Variants in IL4 observed in about 807,000 individuals in gnomAD.
The protein encoded by IL4 is interleukin 4.
A neutral mutation model predicts 17.4 loss-of-function variants in IL4; 10 were observed. That is an observed-to-expected ratio of 0.57 (90% CI 0.35 to 0.97). The LOEUF (loss-of-function observed/expected upper bound fraction) is 0.97, where lower values mean the gene tolerates loss of function less well. IL4 is among the 50% of genes least tolerant of loss of function. The probability of loss-of-function intolerance (pLI) is 0.01; values close to 1 mark genes in which losing one functional copy is unlikely to be tolerated. For missense variants in IL4, 174 were observed against 187.7 expected (o/e 0.93, Z 0.43); for synonymous variants, 87 against 79.0 (o/e 1.10, Z -0.54).
At chr5:132,678,044 T>C (rs557394660) in intron 2 of IL4, among the ~76,000 whole-genome samples, 20 of 152,386 alleles carry the variant, frequency 1.3e-4, no homozygotes, top group Middle Eastern at 6.8e-3. Flanking sequence ...GGGAAGCTTC[T>C]GTAGCCTGGG....
intron 2 of IL4, among the ~76,000 whole-genome samples, chr5:132,678,802 T>C (rs1002242628): frequency 6.6e-6 from 1 of 152,192 alleles, no homozygotes; most frequent in Non-Finnish European, 1.5e-5. Context: ...TGCATCTTTG[T>C]TCTTCAGTGA....
rs201837621 is a variant in IL4, at chr5:132,679,860, C to T, written c.330C>T (p.Leu110=). ...HKQLIRFLKR[L]DRNLWGLAGL... is the part of the protein sequence containing the mutation. Reference sequence around the variant, plus strand: ...AGCTGATCCGATTCCTGAAACGGCTCGACAGGAACCTCTGGGGCCTGGCGG... The same window carrying T: ...AGCTGATCCGATTCCTGAAACGGCTTGACAGGAACCTCTGGGGCCTGGCGG... Residue 110 remains leucine, a synonymous_variant, in exon 3 of 4, where the codon CTC becomes CTT. Coordinates refer to ENST00000231449, the MANE Select transcript of IL4 (RefSeq NM_000589.4). 1.7e-5 allele frequency: 27 copies of T among 1,613,470 alleles called. No individual in the cohort carries two copies. The highest frequency in any genetic ancestry group is 1.6e-5 in the Non-Finnish European group (19 of 1,179,878).
intron 1 of IL4, 23 bp from the exon 2 acceptor site, chr5:132,674,436 C>G (rs777645902): frequency 1.9e-6 from 3 of 1,612,972 alleles, no homozygotes; most frequent in Non-Finnish European, 2.5e-6. Flanking sequence ...GTCTCTTGCT[C>G]TCTCATTTCT....
chr5:132,674,230 C>T, intron 1 of IL4, 45 bp downstream of exon 1: 1 of 1,598,718 alleles, frequency 6.3e-7, no homozygotes, highest in Non-Finnish European at 8.6e-7. Flanking sequence ...TCTGGTGATG[C>T]TCTCAGTATT....
In IL4 at chr5:132,674,313, C is replaced by A. The variant is rs549861948; in HGVS notation, c.135+128C>A. 23 of 1,340,642 alleles carry A rather than the reference C, an allele frequency of 1.7e-5. No homozygotes were observed. In the Admixed American group the frequency reaches 2.5e-4, roughly 14 times the overall value. 83.0% of individuals were successfully genotyped at this position (1,340,642 alleles called of 1,614,324 possible). A position where few individuals can be genotyped will look rare whatever the true frequency, so the allele number is the denominator to read the frequency against. ...GTTGGTGGCAGTCCAGGGCACACAG[C>A]GAGGCTTCTCCCCTGCCACTCTTTT... On this transcript the variant is annotated intron_variant, in intron 1 of 3. Coordinates refer to ENST00000231449, the MANE Select transcript of IL4 (RefSeq NM_000589.4).
At chr5:132,677,244 C>T (rs922005678) in intron 2 of IL4, among the ~76,000 whole-genome samples, 2 of 152,218 alleles carry the variant, frequency 1.3e-5, no homozygotes, top group Non-Finnish European at 2.9e-5. Context: ...AGAACTCTCA[C>T]AGAGTCACTG....
At position 132,679,242 on chromosome 5, in the gene IL4, C is replaced by T. The variant is rs989949281; in HGVS notation, c.184-472C>T. Among the ~76,000 whole-genome samples the T allele has an allele frequency of 1.2e-4, 19 of 152,208 alleles. 1 individual carries two copies. On this transcript the variant is annotated intron_variant, in intron 2 of 3. Coordinates refer to ENST00000231449, the MANE Select transcript of IL4 (RefSeq NM_000589.4). ...GATGTGCACTCATTTATTCAACAGG[C>T]ATGCAGGATTTCCAGGGAAAGCTGG... is the stretch of plus-strand genomic sequence containing the variant.
Position 132,679,749 on chromosome 5 carries a change from G to A in IL4, c.219G>A (p.Ala73=), listed in dbSNP as rs776595794. 4.5e-5 allele frequency: 73 copies of A among 1,613,948 alleles called. No individual in the cohort carries two copies. The highest frequency in any genetic ancestry group is 5.8e-5 in the Non-Finnish European group (69 of 1,179,996). Residue 73 remains alanine (A), a synonymous_variant, in exon 3 of 4, where the codon GCG becomes GCA. Transcript: ENST00000231449. ...AGAAGGAAACCTTCTGCAGGGCTGC[G>A]ACTGTGCTCCGGCAGTTCTACAGCC... is the stretch of plus-strand genomic sequence containing the variant. ...TTEKETFCRA[A]TVLRQFYSHH...
At chr5:132,681,399 G>A (rs1369251927) in intron 3 of IL4, among the ~76,000 whole-genome samples, 1 of 151,928 alleles carries the variant, frequency 6.6e-6, no homozygotes, top group African/African-American at 2.4e-5. Context: ...GCTGATGGAG[G>A]CCATGGGTGA....
At chr5:132,681,290 C>G (rs1425896197) in intron 3 of IL4, among the ~76,000 whole-genome samples, 1 of 152,030 alleles carries the variant, frequency 6.6e-6, no homozygotes, top group Non-Finnish European at 1.5e-5. Flanking sequence ...GGGCGGTACC[C>G]CAGGAAGCCG....
At chr5:132,675,847 T>TGTGTGTGTGTGTGTGTGTGTG (rs1561676103) in intron 2 of IL4, among the ~76,000 whole-genome samples, 1 of 68,002 alleles carries the variant, frequency 1.5e-5, no homozygotes, top group African/African-American at 5.2e-5. Context: ...GGGCAACAGT[T>TGTGTGTGTGTGTGTGTGTGTG]TATGTGTGTG....
Position 132,680,031 on chromosome 5 carries a change from G to T in IL4, c.360+141G>T. ...ACTCATTCAATAAGTATTTGCTGAA[G>T]TTCCACAAGTGCTGGGTGTGGTTCT... is the stretch of plus-strand genomic sequence containing the variant. On this transcript the variant is annotated intron_variant, in intron 3 of 3. Coordinates refer to ENST00000231449, the MANE Select transcript of IL4 (RefSeq NM_000589.4). The surrounding 1 kb of genome is among the most constrained non-coding windows in gnomAD (Gnocchi z 4.3). 1 of 738,284 alleles carries T rather than the reference G, an allele frequency of 1.4e-6. No individual in the cohort carries two copies. The allele number at this position is 738,284 out of a possible 1,614,324, so 45.7% of individuals were successfully genotyped here. A position where few individuals can be genotyped will look rare whatever the true frequency, so the allele number is the denominator to read the frequency against.
At position 132,674,190 on chromosome 5, in the gene IL4, G is replaced by A. The variant is rs1487046595; in HGVS notation, c.135+5G>A. The A allele has an allele frequency of 6.2e-7, 1 of 1,613,674 alleles. No homozygotes were observed. The highest frequency in any genetic ancestry group is 8.5e-7 in the Non-Finnish European group (1 of 1,179,578). On this transcript the variant is annotated splice_donor_5th_base_variant and intron_variant, in intron 1 of 3. Transcript: ENST00000231449. Reference sequence around the variant, plus strand: ...AACAGCCTCACAGAGCAGAAGGTGAGTACCTATCTGGCACCATCTCTCCAG... The same window carrying A: ...AACAGCCTCACAGAGCAGAAGGTGAATACCTATCTGGCACCATCTCTCCAG...
At chr5:132,675,124 TG>T (rs1041872583) in intron 2 of IL4, among the ~76,000 whole-genome samples, 14 of 152,290 alleles carry the variant, frequency 9.2e-5, no homozygotes, top group Admixed American at 3.3e-4. Context: ...TCGGGCTGCC[TG>T]GGCACCTCGC....
intron 2 of IL4, among the ~76,000 whole-genome samples, chr5:132,675,929 A>ATGTGTGTGTGTGTGTGTGTGTGTGTG (rs2234664): frequency 1.7e-4 from 24 of 141,052 alleles, no homozygotes; most frequent in African/African-American, 3.3e-4. Flanking sequence ...GTGTATGTAT[A>ATGTGTGTGTGTGTGTGTGTGTGTGTG]TGTGTGTGTG....
intron 2 of IL4, among the ~76,000 whole-genome samples, chr5:132,674,716 T>G (rs1687511945): frequency 6.6e-6 from 1 of 152,242 alleles, no homozygotes; most frequent in African/African-American, 2.4e-5. Context: ...AATAGAAAGC[T>G]TACATGCTGT....
At chr5:132,677,881 G>C (rs1041023789) in intron 2 of IL4, 2 of 152,008 alleles carry the variant, frequency 1.3e-5, no homozygotes, top group African/African-American at 4.8e-5. Context: ...AGCCCAGAGA[G>C]GTCTGTTTCT....
At chr5:132,678,245 T>A (rs893860753) in intron 2 of IL4, among the ~76,000 whole-genome samples, 8 of 152,260 alleles carry the variant, frequency 5.3e-5, no homozygotes, top group Non-Finnish European at 7.3e-5. Context: ...CACTGTGCAA[T>A]GCGTTTCTAC....
At chr5:132,675,931 G>GTGTC (rs1752375864) in intron 2 of IL4, among the ~76,000 whole-genome samples, 1 of 138,038 alleles carries the variant, frequency 7.2e-6, no homozygotes, top group African/African-American at 3.4e-5. Context: ...GTATGTATAT[G>GTGTC]TGTGTGTGTG....
Sources: allele counts gnomAD v4.1 joint callset (sites outside exome capture counted in the v4.1 genomes callset), GRCh38; gene constraint gnomAD v4.1.1; non-coding constraint Gnocchi (gnomAD v3.1); transcripts MANE v1.5; gene names NCBI Gene and HGNC (gene_info 2026-07-23, HGNC 2026-07-21).